IL7: variants seen among roughly 807,000 people sequenced by gnomAD.
IL7 encodes the protein interleukin-7.
Under a neutral mutation model 21.6 loss-of-function variants are expected in IL7, and 3 were observed. That is an observed-to-expected ratio of 0.14 (90% CI 0.06 to 0.36). The LOEUF (loss-of-function observed/expected upper bound fraction) is 0.36. Ranked by LOEUF, IL7 falls within the 10% of genes least tolerant of loss-of-function variation. IL7 has a pLI of 1.00. For synonymous variants in IL7, 62 were observed against 68.1 expected (o/e 0.91, Z 0.44); for missense variants, 175 against 200.2 (o/e 0.87, Z 0.76).
chr8:78,700,863 G>A (rs1222866004), intron 3 of IL7, among the ~76,000 whole-genome samples: 1 of 151,652 alleles, frequency 6.6e-6, no homozygotes, highest in African/African-American at 2.4e-5. Context: ...ACTGGTCCAT[G>A]TTCCAGTACC....
chr8:78,759,057 T>TCCCC (rs60991823), intron 2 of IL7, among the ~76,000 whole-genome samples: 3 of 145,656 alleles, frequency 2.1e-5, no homozygotes, highest in African/African-American at 7.9e-5. Flanking sequence ...ATTCTTTTAT[T>TCCCC]CCCCCCCCCA....
intron 2 of IL7, among the ~76,000 whole-genome samples, chr8:78,795,049 G>T (rs949335255): frequency 6.6e-6 from 1 of 152,016 alleles, no homozygotes; most frequent in Non-Finnish European, 1.5e-5. Flanking sequence ...ATTCTGGCTC[G>T]GTCACTTATA....
At chr8:78,794,279 T>C (rs574187967) in intron 2 of IL7, among the ~76,000 whole-genome samples, 1 of 152,246 alleles carries the variant, frequency 6.6e-6, no homozygotes, top group East Asian at 1.9e-4. Context: ...GCCTCAAAAA[T>C]ACATGGCTTA....
At chr8:78,798,265 G>GT in intron 1 of IL7, 57 bp from the exon 2 acceptor site, 1 of 1,318,004 alleles carries the variant, frequency 7.6e-7, no homozygotes, top group South Asian at 1.4e-5. Flanking sequence ...GCATTTGATT[G>GT]TGGGGTTTCA....
intron 2 of IL7, among the ~76,000 whole-genome samples, chr8:78,745,181 T>C (rs895373841): frequency 7.2e-5 from 11 of 152,254 alleles, no homozygotes; most frequent in Non-Finnish European, 1.5e-5. Context: ...AATTATATCT[T>C]CTTTAATTTC....
chr8:78,746,837 A>G, intron 2 of IL7: 1 of 345,530 alleles, frequency 2.9e-6, no homozygotes, highest in South Asian at 2.3e-5. Context: ...CTAATTGTCC[A>G]AAAATAAAGG....
downstream of IL7, chr8:78,715,432 C>G (rs987003064): frequency 3.7e-6 from 4 of 1,089,284 alleles, no homozygotes; most frequent in African/African-American, 6.5e-5. Flanking sequence ...TATAGAAAAC[C>G]TGATTTTTTT....
intron 4 of IL7, among the ~76,000 whole-genome samples, chr8:78,678,182 C>T (rs372326970): frequency 4.7e-4 from 72 of 152,210 alleles, no homozygotes; most frequent in Middle Eastern, 6.8e-3. Context: ...CTTAGAATGC[C>T]TTAACTATCT....
chr8:78,764,375 G>T (rs909083565), intron 2 of IL7, among the ~76,000 whole-genome samples: 1 of 152,002 alleles, frequency 6.6e-6, no homozygotes, highest in African/African-American at 2.4e-5. Context: ...ATACAGATTG[G>T]TAAGAACAAA....
chr8:78,689,275 A>G (rs1336884582), intron 3 of IL7: 1 of 1,600,038 alleles, frequency 6.2e-7, no homozygotes, highest in Admixed American at 1.7e-5. Context: ...TGCAGCTGAT[A>G]GACATATAAA....
intron 2 of IL7, among the ~76,000 whole-genome samples, chr8:78,743,436 G>T (rs1462868443): frequency 6.6e-6 from 1 of 150,954 alleles, no homozygotes; most frequent in Admixed American, 6.6e-5. Flanking sequence ...CATTCTGACT[G>T]GTGTGATATG....
chr8:78,787,626 T>G (rs1285758461), intron 2 of IL7, among the ~76,000 whole-genome samples: 1 of 152,014 alleles, frequency 6.6e-6, no homozygotes, highest in African/African-American at 2.4e-5. Flanking sequence ...GAGTGCTCAT[T>G]TGGTCTTCAA....
At chr8:78,761,608 T>G in intron 2 of IL7, 1 of 1,611,996 alleles carries the variant, frequency 6.2e-7, no homozygotes, top group East Asian at 2.2e-5. Context: ...GTAGGTGCTC[T>G]TCCCCTGCTA....
chr8:78,803,203 T>G (rs1229821641), intron 1 of IL7, among the ~76,000 whole-genome samples: 1 of 152,110 alleles, frequency 6.6e-6, no homozygotes, highest in Non-Finnish European at 1.5e-5. Flanking sequence ...ATCACTCTGT[T>G]GCCTAGGCTG....
chr8:78,772,379 A>C (rs1427008161), intron 2 of IL7, among the ~76,000 whole-genome samples: 1 of 152,276 alleles, frequency 6.6e-6, no homozygotes, highest in Admixed American at 6.5e-5. Flanking sequence ...AGTCATTTAC[A>C]TGTCTACTTT....
intron 2 of IL7, among the ~76,000 whole-genome samples, chr8:78,780,349 C>G (rs1813288068): frequency 6.6e-6 from 1 of 152,080 alleles, no homozygotes; most frequent in South Asian, 2.1e-4. Context: ...ATCTTTCTAG[C>G]TTTTTAATGT....
chr8:78,776,119 A>G (rs1326710149), intron 2 of IL7, among the ~76,000 whole-genome samples: 1 of 152,092 alleles, frequency 6.6e-6, no homozygotes, highest in Non-Finnish European at 1.5e-5. Context: ...TAATAATGAA[A>G]TAGAGCAATT....
chr8:78,752,681 G>C (rs1812214011), intron 2 of IL7, among the ~76,000 whole-genome samples: 1 of 152,060 alleles, frequency 6.6e-6, no homozygotes, highest in African/African-American at 2.4e-5. Flanking sequence ...TGCCATGGTG[G>C]TTTGTTGCAC....
chr8:78,725,099 A>G (rs1298004407), intron 3 of IL7, among the ~76,000 whole-genome samples: 2 of 152,040 alleles, frequency 1.3e-5, no homozygotes, highest in Non-Finnish European at 2.9e-5. Context: ...TCACTGCATC[A>G]AAATTGTAGC....
Sources: gnomAD v4.1 joint callset for allele counts (sites outside exome capture counted in the v4.1 genomes callset) on GRCh38, gnomAD v4.1.1 for gene constraint, MANE v1.5 for transcripts, NCBI Gene and HGNC (gene_info 2026-07-23, HGNC 2026-07-21) for gene names.